Variants in ATP13A4 observed in about 807,000 individuals in gnomAD.
The protein encoded by ATP13A4 is probable cation-transporting ATPase 13A4.
In ATP13A4, 114 loss-of-function variants were observed where a neutral mutation model predicts 142.5. The ratio of observed to expected loss-of-function variants is 0.80; its 90% CI spans 0.69 to 0.93. The LOEUF (loss-of-function observed/expected upper bound fraction) is 0.93. ATP13A4 is among the 40% of genes least tolerant of loss of function. The probability of loss-of-function intolerance (pLI) is 0.00; values close to 1 mark genes in which losing one functional copy is unlikely to be tolerated. For synonymous variants in ATP13A4, 488 were observed against 514.8 expected, an observed-to-expected ratio of 0.95 and a Z score of 0.70; for missense variants, 1,392 against 1,454.0, an observed-to-expected ratio of 0.96 and a Z score of 0.69.
intron 1 of ATP13A4, among the ~76,000 whole-genome samples, chr3:193,541,186 T>C (rs1018184779): frequency 1.4e-5 from 2 of 146,802 alleles, no homozygotes; most frequent in Admixed American, 6.9e-5. Flanking sequence ...GAGGCGGAGC[T>C]TGCAGTGAGC....
chr3:193,588,343 C>T (rs1724704313), intron 1 of ATP13A4, among the ~76,000 whole-genome samples: 1 of 152,210 alleles, frequency 6.6e-6, no homozygotes, highest in Admixed American at 6.5e-5. Context: ...ATTCACACTT[C>T]AGCACCAATC....
At chr3:193,424,531 C>G (rs1715559215) in intron 25 of ATP13A4, among the ~76,000 whole-genome samples, 1 of 149,250 alleles carries the variant, frequency 6.7e-6, no homozygotes, top group African/African-American at 2.5e-5. Context: ...AAAACATCTA[C>G]AGTCAATTGA....
At chr3:193,488,981 G>A (rs989078848) in intron 7 of ATP13A4, among the ~76,000 whole-genome samples, 23 of 152,096 alleles carry the variant, frequency 1.5e-4, no homozygotes, top group African/African-American at 4.1e-4. Flanking sequence ...AGGGGGCTGC[G>A]GAGATGAGTC....
At chr3:193,577,459 T>C (rs1724420983) in intron 2 of ATP13A4, among the ~76,000 whole-genome samples, 1 of 152,222 alleles carries the variant, frequency 6.6e-6, no homozygotes. Context: ...AGCTCAAAAC[T>C]CACAGAACAC....
At chr3:193,553,989 G>A (rs1723741932) in intron 1 of ATP13A4, among the ~76,000 whole-genome samples, 2 of 152,174 alleles carry the variant, frequency 1.3e-5, no homozygotes, top group African/African-American at 4.8e-5. Context: ...ACAATTAGCA[G>A]AAAGATCTTA....
intron 25 of ATP13A4, among the ~76,000 whole-genome samples, chr3:193,431,079 G>A (rs761113929): frequency 1.7e-4 from 26 of 152,128 alleles, no homozygotes; most frequent in Middle Eastern, 3.4e-3. Context: ...GATGTGATGG[G>A]TGAAGAAACA....
At chr3:193,583,585 A>G (rs1022094706) in intron 1 of ATP13A4, among the ~76,000 whole-genome samples, 6 of 152,182 alleles carry the variant, frequency 3.9e-5, no homozygotes, top group Admixed American at 3.9e-4. Context: ...TTTACTATGC[A>G]TGTAATCATA....
intron 13 of ATP13A4, among the ~76,000 whole-genome samples, chr3:193,460,036 G>A (rs1576986430): frequency 6.6e-6 from 1 of 152,182 alleles, no homozygotes; most frequent in Non-Finnish European, 1.5e-5. Flanking sequence ...CTATTAGGAG[G>A]ACGTTTGAAC....
chr3:193,509,641 G>A (rs377594481), intron 2 of ATP13A4, among the ~76,000 whole-genome samples: 10 of 152,222 alleles, frequency 6.6e-5, no homozygotes, highest in East Asian at 3.9e-4. Context: ...TTTAATACAC[G>A]GTAAAAAGCA....
At chr3:193,425,134 G>T (rs907208500) in intron 25 of ATP13A4, among the ~76,000 whole-genome samples, 4 of 136,258 alleles carry the variant, frequency 2.9e-5, no homozygotes, top group Admixed American at 2.7e-4. Context: ...TAATATCAGG[G>T]AAATGCAAAT....
chr3:193,447,376 TA>T, intron 18 of ATP13A4, among the ~76,000 whole-genome samples: 1 of 151,996 alleles, frequency 6.6e-6, no homozygotes, highest in South Asian at 2.1e-4. Context: ...AAAGAGGAAA[TA>T]AAAGTATTCT....
chr3:193,523,922 A>T (rs1237931882), intron 1 of ATP13A4, among the ~76,000 whole-genome samples: 1 of 152,040 alleles, frequency 6.6e-6, no homozygotes, highest in Non-Finnish European at 1.5e-5. Flanking sequence ...AGCGGTTGTT[A>T]AAAAAGAATC....
intron 2 of ATP13A4, among the ~76,000 whole-genome samples, chr3:193,511,372 G>C (rs1721133011): frequency 2.0e-5 from 3 of 152,138 alleles, no homozygotes; most frequent in African/African-American, 7.2e-5. Flanking sequence ...ACGCAACTAG[G>C]AGAGATCACC....
chr3:193,491,367 C>T lies in ATP13A4; in HGVS notation c.565G>A (p.Val189Ile). The T allele has an allele frequency of 6.2e-7, 1 of 1,601,308 alleles. No homozygotes were observed. The highest frequency in any genetic ancestry group is 1.7e-5 in the Admixed American group (1 of 59,992). ...AGTTTCCAAATTGGTGTAACTTCAA[C>T]ATCGATAGTATTAGGCCCACATATT... Reference protein sequence around the residue: ...RLICGPNTIDVEVTPIWKLLI... With the variant: ...RLICGPNTIDIEVTPIWKLLI... Residue 189 changes from valine to isoleucine, a missense_variant, in exon 6 of 30, where the codon GTT (valine) becomes ATT (isoleucine). By Grantham distance (29) the Val-to-Ile change is conservative (BLOSUM62 3). Transcript: ENST00000342695.
intron 1 of ATP13A4, among the ~76,000 whole-genome samples, chr3:193,539,511 T>C (rs1722767940): frequency 6.6e-6 from 1 of 152,240 alleles, no homozygotes; most frequent in Non-Finnish European, 1.5e-5. Flanking sequence ...GGAGAAAGAA[T>C]ACTTTCTGGA....
chr3:193,438,989 G>A, intron 22 of ATP13A4, 34 bp downstream of exon 22: 1 of 1,577,946 alleles, frequency 6.3e-7, no homozygotes, highest in Non-Finnish European at 8.7e-7. Context: ...AATCGAATGT[G>A]AGATTATGGC....
intron 1 of ATP13A4, among the ~76,000 whole-genome samples, chr3:193,536,214 G>A (rs1404316277): frequency 6.6e-6 from 1 of 151,946 alleles, no homozygotes; most frequent in Non-Finnish European, 1.5e-5. Flanking sequence ...CATCCCTCAG[G>A]AATAGAGAAG....
chr3:193,547,854 C>T (rs1037182572), intron 1 of ATP13A4, among the ~76,000 whole-genome samples: 3 of 152,138 alleles, frequency 2.0e-5, no homozygotes, highest in African/African-American at 4.8e-5. Context: ...AGGGACACCT[C>T]GTTTTCACTT....
chr3:193,433,999 G>C, intron 24 of ATP13A4, 82 bp from the exon 25 acceptor site: 1 of 1,132,578 alleles, frequency 8.8e-7, no homozygotes, highest in South Asian at 1.2e-5. Flanking sequence ...TTTTCTCACT[G>C]TGACATAGGG....
Sources: gnomAD v4.1 joint callset for allele counts (sites outside exome capture counted in the v4.1 genomes callset) on GRCh38, gnomAD v4.1.1 for gene constraint, MANE v1.5 for transcripts, NCBI Gene and HGNC (gene_info 2026-07-23, HGNC 2026-07-21) for gene names.